The following SEC23A variants were observed in gnomAD, a reference collection of about 807,000 sequenced individuals.
SEC23A encodes SEC23 homolog A, COPII component, also known as protein transport protein Sec23A.
A neutral mutation model predicts 103.7 loss-of-function variants in SEC23A; 56 were observed. That is an observed-to-expected ratio of 0.54 (90% CI 0.44 to 0.67). SEC23A has a LOEUF of 0.67. Ranked by LOEUF, SEC23A falls within the 30% of genes least tolerant of loss-of-function variation. The pLI is 0.00. For missense variants in SEC23A, 784 were observed against 936.4 expected, an observed-to-expected ratio of 0.84 and a Z score of 2.12; for synonymous variants, 281 against 293.0, an observed-to-expected ratio of 0.96 and a Z score of 0.42.
Position 39,085,685 on chromosome 14 carries a change from T to TACACAC in SEC23A, c.828+76_828+77insGTGTGT, listed in dbSNP as rs202142857. 1,706 of 956,772 alleles carry TACACAC rather than the reference T, an allele frequency of 1.8e-3. 54 individuals carry two copies. Among genetic ancestry groups the TACACAC allele is most frequent in the African/African-American group, 4.1e-3 (160 of 38,994 alleles). The allele number at this position is 956,772 out of a possible 1,614,324, so 59.3% of individuals were successfully genotyped here. On this transcript the variant is annotated intron_variant, in intron 7 of 19. Transcript: ENST00000307712. ...TTGGTTCTTCTTATCCTTATAATTA[T>TACACAC]ATATACACACACACACACACACACA...
chr14:39,078,729 C>CA (rs113082904), intron 7 of SEC23A, among the ~76,000 whole-genome samples: 5 of 151,852 alleles, frequency 3.3e-5, no homozygotes, highest in African/African-American at 1.2e-4. Flanking sequence ...ATGGATGGGC[C>CA]AAAAAGCATG....
At chr14:39,094,129 T>A (rs1206886151) in intron 2 of SEC23A, among the ~76,000 whole-genome samples, 2 of 150,938 alleles carry the variant, frequency 1.3e-5, no homozygotes, top group Non-Finnish European at 2.9e-5. Flanking sequence ...CAAGTGTTTC[T>A]CCCATCTTCA....
chr14:39,087,009 C>T lies in SEC23A; in HGVS notation c.604-1G>A, dbSNP rs1887468644. The T allele has an allele frequency of 2.6e-6, 4 of 1,511,490 alleles. No individual in the cohort carries two copies. Among genetic ancestry groups the T allele is most frequent in the Non-Finnish European group, 3.7e-6 (4 of 1,086,312 alleles). 93.6% of individuals were successfully genotyped at this position (1,511,490 alleles called of 1,614,324 possible). ...GTACTTTAGAGAGCCCCAGCATTTC[C>T]TGTAAAGAGATTACTTGTGCAATAT... is the stretch of plus-strand genomic sequence containing the variant. On this transcript the variant is annotated splice_acceptor_variant, in intron 5 of 19. Coordinates refer to ENST00000307712, the MANE Select transcript of SEC23A (RefSeq NM_006364.4). LOFTEE classifies it high-confidence loss of function.
intron 3 of SEC23A, 165 bp from the exon 4 acceptor site, chr14:39,092,792 A>G (rs1407813345): frequency 8.5e-6 from 5 of 585,902 alleles, no homozygotes; most frequent in African/African-American, 3.8e-5. Context: ...ATTTTTCTAC[A>G]TGACTAGTAT....
At position 39,096,145 on chromosome 14, in the gene SEC23A, T is replaced by A; in HGVS notation, c.-21-6A>T. ...GTGGAGTTTGATTCTTATTTCTGTA[T>A]CAAAATTTTAAAATATTTTAAAATC... On this transcript the variant is annotated splice_region_variant and splice_polypyrimidine_tract_variant and intron_variant, in intron 1 of 19. Transcript: ENST00000307712. 6.5e-7 allele frequency: 1 copy of A among 1,537,968 alleles called. No homozygotes were observed. The highest frequency in any genetic ancestry group is 9.0e-7 in the Non-Finnish European group (1 of 1,110,788).
intron 7 of SEC23A, among the ~76,000 whole-genome samples, chr14:39,076,376 G>A (rs1205330373): frequency 6.6e-6 from 1 of 151,566 alleles, no homozygotes; most frequent in Non-Finnish European, 1.5e-5. Flanking sequence ...ACAGGGAAGA[G>A]TGGAGAGAAA....
intron 19 of SEC23A, among the ~76,000 whole-genome samples, chr14:39,037,518 T>C (rs1409407101): frequency 2.6e-5 from 4 of 152,194 alleles, no homozygotes; most frequent in Non-Finnish European, 5.9e-5. Flanking sequence ...GTTTCTACAT[T>C]ATTTTTCCTT....
chr14:39,040,197 C>A (rs1164835592), intron 18 of SEC23A: 2 of 152,362 alleles, frequency 1.3e-5, no homozygotes, highest in African/African-American at 4.8e-5. Flanking sequence ...GGTCTCAAAG[C>A]AACTGTGTAT....
chr14:39,094,889 T>C (rs1369417879), intron 2 of SEC23A: 3 of 645,526 alleles, frequency 4.6e-6, no homozygotes, highest in African/African-American at 3.7e-5. Context: ...GGCTAGATCA[T>C]ACAAGGCTTT....
At position 39,065,969 on chromosome 14, in the gene SEC23A, G is replaced by A. The variant is rs1886646721; in HGVS notation, c.1228-976C>T. On this transcript the variant is annotated intron_variant, in intron 10 of 19. Transcript: ENST00000307712. ...GCTGAGATCATGACATTGCACTCCAGCCGGGCAATAAGAGCGAAACTCCAT... is the reference window on the plus strand; with the variant it reads ...GCTGAGATCATGACATTGCACTCCAACCGGGCAATAAGAGCGAAACTCCAT... Among the ~76,000 whole-genome samples, 3 of 113,320 alleles carry A rather than the reference G, an allele frequency of 2.6e-5. 1 individual carries two copies. The South Asian group carries it at 9.1e-4, about 34-fold the overall frequency. 74.3% of individuals were successfully genotyped at this position (113,320 alleles called of 152,430 possible).
chr14:39,085,685 T>TACACACAC lies in SEC23A; in HGVS notation c.828+76_828+77insGTGTGTGT, dbSNP rs202142857. Reference sequence around the variant, plus strand: ...TTGGTTCTTCTTATCCTTATAATTATATATACACACACACACACACACACA... The same window carrying TACACACAC: ...TTGGTTCTTCTTATCCTTATAATTATACACACACATATACACACACACACACACACACA... On this transcript the variant is annotated intron_variant, in intron 7 of 19. Transcript: ENST00000307712. 2,272 of 956,606 alleles carry TACACACAC rather than the reference T, an allele frequency of 2.4e-3. 76 individuals carry two copies. The highest frequency in any genetic ancestry group is 2.9e-3 in the Non-Finnish European group (1,912 of 664,142). The allele number at this position is 956,606 out of a possible 1,614,324, so 59.3% of individuals were successfully genotyped here.
Position 39,069,971 on chromosome 14 carries a change from A to G in SEC23A, c.1104-2675T>C, listed in dbSNP as rs557363613. ...CAATGCTATCACCATCTGACATCCT[A>G]TCTACCATACTTATCCTATCTCCTC... On this transcript the variant is annotated intron_variant, in intron 9 of 19. Coordinates refer to ENST00000307712, the MANE Select transcript of SEC23A (RefSeq NM_006364.4). 6.4e-4 allele frequency among the ~76,000 whole-genome samples: 98 copies of G among 152,302 alleles called. 1 individual carries two copies. Among genetic ancestry groups the G allele is most frequent in the African/African-American group, 2.2e-3 (92 of 41,570 alleles).
rs1266954317 is a variant in SEC23A at position 39,033,287 on chromosome 14, TTGTAAAC to T, written c.2243_2249del (p.Ser748LysfsTer7). ...GTTTCTTCAAGTGATCCATAAACACTTGTAAACTAACATCATCTGTAAGAATAGGTGC... is the reference window on the plus strand; with the variant it reads ...GTTTCTTCAAGTGATCCATAAACACTTAACATCATCTGTAAGAATAGGTGC... On this transcript the variant is annotated frameshift_variant, in exon 20 of 20. Transcript: ENST00000307712. LOFTEE classifies it high-confidence loss of function. 1 of 1,613,544 alleles carries T rather than the reference TTGTAAAC, an allele frequency of 6.2e-7. No individual in the cohort carries two copies. The highest frequency in any genetic ancestry group is 8.5e-7 in the Non-Finnish European group (1 of 1,179,510).
chr14:39,088,198 A>C (rs890944841), intron 5 of SEC23A: 1 of 152,192 alleles, frequency 6.6e-6, no homozygotes, highest in African/African-American at 2.4e-5. Flanking sequence ...TTCAACTAAT[A>C]ATAGGGAAAG....
At position 39,091,406 on chromosome 14, in the gene SEC23A, T is replaced by A. The variant is rs546361808; in HGVS notation, c.603+71A>T. 947 of 1,128,100 alleles carry A rather than the reference T, an allele frequency of 8.4e-4. 7 individuals are homozygous for A. Among genetic ancestry groups the A allele is most frequent in the Middle Eastern group, 7.0e-3 (35 of 4,982 alleles). 69.9% of individuals were successfully genotyped at this position (1,128,100 alleles called of 1,614,324 possible). On this transcript the variant is annotated intron_variant, in intron 5 of 19. Coordinates refer to ENST00000307712, the MANE Select transcript of SEC23A (RefSeq NM_006364.4). ...ATAATAAAAATTTGTCCTAGAAACA[T>A]ACAGAAGGCATTTATAAACATATAT...
In SEC23A at chr14:39,033,149, C is replaced by A. The variant is rs1437584613; in HGVS notation, c.*90G>T. On this transcript the variant is annotated 3_prime_UTR_variant, in exon 20 of 20. Transcript: ENST00000307712. ...TAATACAAAAAATATAGAGCAATATCTGTTGGTTTCCACAGATAAATGGAA... is the reference window on the plus strand; with the variant it reads ...TAATACAAAAAATATAGAGCAATATATGTTGGTTTCCACAGATAAATGGAA... 4 of 915,542 alleles carry A rather than the reference C, an allele frequency of 4.4e-6. No individual in the cohort carries two copies. The highest frequency in any genetic ancestry group is 3.7e-6 in the Non-Finnish European group (2 of 546,582). The allele number at this position is 915,542 out of a possible 1,614,324, so 56.7% of individuals were successfully genotyped here. A position where few individuals can be genotyped will look rare whatever the true frequency, so the allele number is the denominator to read the frequency against.
chr14:39,070,304 ATTT>A (rs571127113), intron 9 of SEC23A, among the ~76,000 whole-genome samples: 1 of 152,238 alleles, frequency 6.6e-6, no homozygotes, highest in Non-Finnish European at 1.5e-5. Context: ...TATCTAATTG[ATTT>A]TTAAGCCTAA....
intron 10 of SEC23A, among the ~76,000 whole-genome samples, chr14:39,066,380 T>C (rs1886667953): frequency 6.6e-6 from 1 of 152,164 alleles, no homozygotes; most frequent in Non-Finnish European, 1.5e-5. Context: ...AGCCTTTGGG[T>C]ATTTTAAATC....
At chr14:39,084,468 C>T (rs1339842824) in intron 7 of SEC23A, among the ~76,000 whole-genome samples, 1 of 152,150 alleles carries the variant, frequency 6.6e-6, no homozygotes, top group Non-Finnish European at 1.5e-5. Context: ...CAAAACAATA[C>T]ACAAGACAAT....
Sources: gnomAD v4.1 joint callset for allele counts (sites outside exome capture counted in the v4.1 genomes callset) on GRCh38, gnomAD v4.1.1 for gene constraint, MANE v1.5 for transcripts, NCBI Gene and HGNC (gene_info 2026-07-23, HGNC 2026-07-21) for gene names.